Variants in PRDM1 observed in about 807,000 individuals in gnomAD.
PRDM1 encodes PR/SET domain 1.
PRDM1 carries 13 observed loss-of-function variants against 62.8 expected under a neutral mutation model. The ratio of observed to expected loss-of-function variants is 0.21; its 90% confidence interval spans 0.13 to 0.33. PRDM1 has a LOEUF of 0.33. Among genes scored for constraint, PRDM1 ranks in the 10% least tolerant of loss-of-function variants. The probability of loss-of-function intolerance (pLI) is 1.00; values close to 1 mark genes in which losing one functional copy is unlikely to be tolerated. For missense variants in PRDM1, 895 were observed against 1,058.8 expected (o/e 0.85, Z 2.15); for synonymous variants, 396 against 417.6 (o/e 0.95, Z 0.63).
In PRDM1 at chr6:106,088,255, A is replaced by G. The variant is rs1293657100; in HGVS notation, c.97A>G (p.Thr33Ala). The G allele has an allele frequency of 1.2e-6, 2 of 1,613,872 alleles. No individual in the cohort carries two copies. Among genetic ancestry groups the G allele is most frequent in the African/African-American group, 2.7e-5 (2 of 74,840 alleles). ...TVRFQGLAEG[T>A]KGTMKMDMED... ...GAGGTTTCAGGGATTGGCAGAGGGG[A>G]CCAAGGGGACCATGAAAATGGACAT... is the stretch of plus-strand genomic sequence containing the variant. Residue 33 changes from threonine to alanine, a missense_variant, in exon 2 of 7, where the codon ACC becomes GCC. Physicochemically the swap from Thr to Ala is moderately conservative, Grantham distance 58. Around this residue, in one of 4 missense-constraint regions of PRDM1, gnomAD observed 213 missense variants for 283.9 expected, o/e 0.75. Coordinates refer to ENST00000369096, the MANE Select transcript of PRDM1 (RefSeq NM_001198.4).
At chr6:106,031,141 A>C (rs1772839110) in intron 1 of PRDM1, among the ~76,000 whole-genome samples, 1 of 152,266 alleles carries the variant, frequency 6.6e-6, no homozygotes, top group Middle Eastern at 3.4e-3. Context: ...TTATTGGGAA[A>C]CTTACTTATT....
chr6:106,084,197 G>A (rs1773747637), upstream of PRDM1, among the ~76,000 whole-genome samples: 1 of 151,934 alleles, frequency 6.6e-6, no homozygotes, highest in Non-Finnish European at 1.5e-5. Context: ...AACATGTGAA[G>A]GACTTTACAT....
At chr6:106,080,887 G>A (rs1404057794) in intron 1 of PRDM1, among the ~76,000 whole-genome samples, 1 of 152,200 alleles carries the variant, frequency 6.6e-6, no homozygotes, top group Non-Finnish European at 1.5e-5. Flanking sequence ...ACCTTAAGGG[G>A]GCGGATGCCT....
At chr6:106,033,317 G>GT (rs147098593) in intron 1 of PRDM1, among the ~76,000 whole-genome samples, 2,098 of 136,208 alleles carry the variant, frequency 0.015, 33 homozygotes, top group African/African-American at 0.039. Context: ...GCTAATATTA[G>GT]TTTTTTTTTT....
intron 4 of PRDM1, among the ~76,000 whole-genome samples, chr6:106,101,690 A>G (rs1388338519): frequency 6.6e-6 from 1 of 152,142 alleles, no homozygotes; most frequent in Non-Finnish European, 1.5e-5. Flanking sequence ...AATTTCCACT[A>G]TTTCATCAGG....
intron 4 of PRDM1, among the ~76,000 whole-genome samples, chr6:106,102,760 C>CT (rs1171087732): frequency 6.6e-6 from 1 of 152,144 alleles, no homozygotes; most frequent in Non-Finnish European, 1.5e-5. Flanking sequence ...AAATATGAGA[C>CT]TTAGATACAT....
chr6:106,001,963 A>C, intron 1 of PRDM1, among the ~76,000 whole-genome samples: 1 of 152,176 alleles, frequency 6.6e-6, no homozygotes, highest in Non-Finnish European at 1.5e-5. Flanking sequence ...TTGGATCTTC[A>C]CTGAAATGCA....
chr6:106,098,647 GGCT>G lies in PRDM1; in HGVS notation c.412-647_412-645del, dbSNP rs1308109158. ...TCTCAGTAATAGACTGTCAAATTCG[GGCT>G]GCTGCCCGAGTGTTCGCTTTGTTAT... On this transcript the variant is annotated intron_variant, in intron 3 of 6. Coordinates refer to ENST00000369096, the MANE Select transcript of PRDM1 (RefSeq NM_001198.4). 4 of 1,338,272 alleles carry G rather than the reference GGCT, an allele frequency of 3.0e-6. No homozygotes were observed. In the South Asian group the frequency reaches 3.7e-5, roughly 12 times the overall value. 82.9% of individuals were successfully genotyped at this position (1,338,272 alleles called of 1,614,324 possible).
chr6:106,083,264 G>C (rs1311263192), upstream of PRDM1, among the ~76,000 whole-genome samples: 1 of 135,714 alleles, frequency 7.4e-6, no homozygotes, highest in African/African-American at 2.7e-5. Context: ...GGGTGGGGGG[G>C]TTATTCTCTT....
chr6:106,109,834 G>A lies in PRDM1; in HGVS notation c.*2348G>A, dbSNP rs943320315. 12 of 232,356 alleles carry A rather than the reference G, an allele frequency of 5.2e-5. No individual in the cohort carries two copies. The highest frequency in any genetic ancestry group is 1.0e-4 in the Non-Finnish European group (12 of 117,330). 14.4% of individuals were successfully genotyped at this position (232,356 alleles called of 1,614,324 possible). A position where few individuals can be genotyped will look rare whatever the true frequency, so the allele number is the denominator to read the frequency against. ...ACCAAAGTTACTGGCTTTTTACTTT[G>A]CTAGAACAACAAACTATCTTATGTT... On this transcript the variant is annotated 3_prime_UTR_variant, in exon 7 of 7. Transcript: ENST00000369096.
chr6:105,993,013 C>G (rs953191893), upstream of PRDM1, among the ~76,000 whole-genome samples: 5 of 152,170 alleles, frequency 3.3e-5, no homozygotes, highest in Non-Finnish European at 5.9e-5. Context: ...CTTTGGGTCC[C>G]AAGACATGAC....
In PRDM1 at chr6:106,107,659, C is replaced by A; in HGVS notation, c.*173C>A. On this transcript the variant is annotated 3_prime_UTR_variant, in exon 7 of 7. Coordinates refer to ENST00000369096, the MANE Select transcript of PRDM1 (RefSeq NM_001198.4). ...CTCCAAAGTTACTGAAATCTCAGGG[C>A]ATGAACAAGGCAAAGGCCATATATA... The A allele has an allele frequency of 2.5e-6, 1 of 403,750 alleles. No homozygotes were observed. 25.0% of individuals were successfully genotyped at this position (403,750 alleles called of 1,614,324 possible).
intron 1 of PRDM1, among the ~76,000 whole-genome samples, chr6:106,064,595 C>T (rs1291502259): frequency 2.6e-5 from 4 of 152,180 alleles, no homozygotes; most frequent in African/African-American, 4.8e-5. Context: ...TTATCTTGAC[C>T]TCTAATAGCA....
intron 2 of PRDM1, among the ~76,000 whole-genome samples, chr6:106,090,149 C>T (rs1319359607): frequency 6.6e-6 from 1 of 152,188 alleles, no homozygotes; most frequent in East Asian, 1.9e-4. Context: ...CTGACTTCTC[C>T]AATGAGTGCT....
At chr6:106,050,838 A>G (rs1773161663) in intron 1 of PRDM1, among the ~76,000 whole-genome samples, 3 of 152,254 alleles carry the variant, frequency 2.0e-5, no homozygotes, top group Admixed American at 2.0e-4. Context: ...ATTCAGAGAA[A>G]CACTATTCAA....
intron 1 of PRDM1, among the ~76,000 whole-genome samples, chr6:105,997,715 C>T (rs769403379): frequency 6.6e-6 from 1 of 152,160 alleles, no homozygotes; most frequent in Non-Finnish European, 1.5e-5. Flanking sequence ...GATTTTGAAA[C>T]ATTTCTTTAC....
chr6:106,098,879 C>G, intron 3 of PRDM1: 1 of 1,511,434 alleles, frequency 6.6e-7, no homozygotes, highest in Non-Finnish European at 8.9e-7. Flanking sequence ...CGTCGTCAGC[C>G]GGCTTGGTCT....
Position 106,104,851 on chromosome 6 carries a change from C to T in PRDM1, c.691C>T (p.Pro231Ser). Residue 231 changes from proline (P) to serine (S), a missense_variant, in exon 5 of 7, where the codon CCG becomes TCG. Pro to Ser is a moderately conservative substitution (Grantham distance 74). This residue lies in a region of PRDM1 where 444 missense variants were observed against 422.7 expected (regional missense o/e 1.05). Transcript: ENST00000369096. ...LTQTQSSLKQ[P>S]STEKNELCPK... The stretch of plus-strand genomic sequence containing the variant: ...ACAAACACAGAGCAGTCTAAAGCAA[C>T]CGAGCACTGAGAAAAATGAACTCTG... The T allele has an allele frequency of 6.2e-7, 1 of 1,613,876 alleles. No homozygotes were observed. The highest frequency in any genetic ancestry group is 1.1e-5 in the South Asian group (1 of 91,072).
intron 1 of PRDM1, among the ~76,000 whole-genome samples, chr6:106,051,132 A>C (rs1477486748): frequency 6.6e-6 from 1 of 152,170 alleles, no homozygotes; most frequent in African/African-American, 2.4e-5. Context: ...TATTTTTTTC[A>C]TTCAGAGCAT....
Sources: gnomAD v4.1 joint callset for allele counts (sites outside exome capture counted in the v4.1 genomes callset) on GRCh38, gnomAD v4.1.1 for gene constraint, gnomAD v4.1.1 regional missense constraint, MANE v1.5 for transcripts, NCBI Gene and HGNC (gene_info 2026-07-23, HGNC 2026-07-21) for gene names.